CPEB2: variants seen among roughly 807,000 people sequenced by gnomAD.
CPEB2 encodes cytoplasmic polyadenylation element-binding protein 2.
Under a neutral mutation model 93.6 loss-of-function variants are expected in CPEB2, and 56 were observed. The observed-to-expected ratio is 0.60, with a 90% CI of 0.48 to 0.75. The LOEUF (loss-of-function observed/expected upper bound fraction) is 0.75, where lower values mean the gene tolerates loss of function less well. Ranked by LOEUF, CPEB2 falls within the 30% of genes least tolerant of loss-of-function variation. CPEB2 has a pLI of 0.00. For missense variants in CPEB2, 1,579 were observed against 1,395.1 expected (o/e 1.13, Z -2.10); for synonymous variants, 764 against 586.3 (o/e 1.30, Z -4.38).
Position 15,033,162 on chromosome 4 carries a change from T to G in CPEB2, c.2127T>G (p.Gly709=). The change falls in exon 5 of 12, where the codon GGT becomes GGG. Residue 709 remains glycine, a splice_region_variant and synonymous_variant. Transcript: ENST00000538197. ...CTCACCTTTCCTGTCTTTTTAAAGG[T>G]CGATTGAGCTATCCACATCCAGGAA... The part of the protein sequence containing the change: ...IMRAEHDPLK[G]RLSYPHPGTD... 6.2e-7 allele frequency: 1 copy of G among 1,603,022 alleles called. No homozygotes were observed. The highest frequency in any genetic ancestry group is 8.5e-7 in the Non-Finnish European group (1 of 1,171,860).
intron 5 of CPEB2, among the ~76,000 whole-genome samples, chr4:15,034,039 G>C (rs1726371678): frequency 6.6e-6 from 1 of 152,170 alleles, no homozygotes; most frequent in South Asian, 2.1e-4. Flanking sequence ...TGTGAAGCTA[G>C]ACTATGTGAA....
rs539451316 is a variant in CPEB2 at position 15,023,875 on chromosome 4, A to G, written c.2125+6597A>G. Among the ~76,000 whole-genome samples the G allele has an allele frequency of 4.0e-5, 6 of 151,744 alleles. 1 individual carries two copies. The highest frequency in any genetic ancestry group is 1.4e-4 in the African/African-American group (6 of 41,432). ...CTTAATATCCTTCAATATTTCCCCT[A>G]CTCTGTCCTCCAAAATGATAAGAGC... is the stretch of plus-strand genomic sequence containing the variant. On this transcript the variant is annotated intron_variant, in intron 4 of 11. Coordinates refer to ENST00000538197, the MANE Select transcript of CPEB2 (RefSeq NM_001177382.2).
At chr4:15,009,302 C>T (rs150376959) in intron 3 of CPEB2, among the ~76,000 whole-genome samples, 195 of 152,258 alleles carry the variant, frequency 1.3e-3, no homozygotes, top group African/African-American at 4.2e-3. Flanking sequence ...ATTAATAATA[C>T]GTTTGTAAGT....
rs914200856 is a variant in CPEB2 at position 15,003,944 on chromosome 4, C to T, written c.1271C>T (p.Ala424Val). ...CAGCCGCAGCCGCCCGGCTCGTCTG[C>T]CACCACCCCGGGCGGCGGCAGCGGC... ...QPQPQPPGSS[A>V]TTPGGGSGGS... is the part of the protein sequence containing the mutation. The change falls in exon 1 of 12, where the codon GCC (alanine) becomes GTC (valine). Residue 424 changes from alanine to valine, a missense_variant. Coordinates refer to ENST00000538197, the MANE Select transcript of CPEB2 (RefSeq NM_001177382.2). 1.6e-6 allele frequency: 2 copies of T among 1,250,872 alleles called. No individual in the cohort carries two copies. Among genetic ancestry groups the T allele is most frequent in the East Asian group, 3.1e-5 (1 of 31,812 alleles). 77.5% of individuals were successfully genotyped at this position (1,250,872 alleles called of 1,614,324 possible). A position where few individuals can be genotyped will look rare whatever the true frequency, so the allele number is the denominator to read the frequency against.
In CPEB2 at chr4:15,003,030, CG is replaced by C; in HGVS notation, c.358del (p.Asp120ThrfsTer12). ...SGAAATEKLPDHHPGGGTIAG... is the reference protein window; with the variant it reads ...SGAAATEKLPXHHPGGGTIAG... ...GGGCGGCGGCCACGGAGAAACTCCCCGACCACCACCCCGGCGGCGGCACGAT... is the reference window on the plus strand; with the variant it reads ...GGGCGGCGGCCACGGAGAAACTCCCCACCACCACCCCGGCGGCGGCACGAT... On this transcript the variant is annotated frameshift_variant, in exon 1 of 12. Coordinates refer to ENST00000538197, the MANE Select transcript of CPEB2 (RefSeq NM_001177382.2). LOFTEE classifies it high-confidence loss of function. 6.7e-7 allele frequency: 1 copy of C among 1,502,222 alleles called. No homozygotes were observed. Among genetic ancestry groups the C allele is most frequent in the Non-Finnish European group, 8.8e-7 (1 of 1,136,330 alleles). The allele number at this position is 1,502,222 out of a possible 1,614,324, so 93.1% of individuals were successfully genotyped here.
At chr4:15,033,389 A>G (rs886947843) in intron 5 of CPEB2, among the ~76,000 whole-genome samples, 178 bp downstream of exon 5, 38 of 152,198 alleles carry the variant, frequency 2.5e-4, no homozygotes, top group Admixed American at 2.4e-3. Flanking sequence ...CGGGCTGGTA[A>G]AGCAGCCATT....
chr4:15,005,086 G>T (rs925975141), intron 1 of CPEB2: 1 of 152,216 alleles, frequency 6.6e-6, no homozygotes, highest in Admixed American at 6.5e-5. Context: ...GGAGGGAGTC[G>T]GGAGGGAGCG....
chr4:15,048,269 G>A (rs771468803), intron 6 of CPEB2, among the ~76,000 whole-genome samples: 3 of 151,880 alleles, frequency 2.0e-5, no homozygotes, highest in Non-Finnish European at 4.4e-5. Flanking sequence ...TTATTCTCTG[G>A]AAGAGTTTGT....
At chr4:15,061,966 C>A in intron 10 of CPEB2, 113 bp from the exon 11 acceptor site, 1 of 1,008,918 alleles carries the variant, frequency 9.9e-7, no homozygotes, top group Non-Finnish European at 1.4e-6. Flanking sequence ...TGCCATTCTA[C>A]TCCTGGTCAA....
At chr4:15,005,887 T>C (rs564637678) in intron 1 of CPEB2, among the ~76,000 whole-genome samples, 2 of 152,378 alleles carry the variant, frequency 1.3e-5, no homozygotes, top group South Asian at 4.1e-4. Context: ...GATCTTCATT[T>C]TGTTATCTGG....
Position 15,066,469 on chromosome 4 carries a change from G to A in CPEB2, c.*89G>A, listed in dbSNP as rs1050365168. The A allele has an allele frequency of 6.4e-6, 6 of 936,252 alleles. 1 individual carries two copies. The Admixed American group carries it at 8.5e-5, about 13-fold the overall frequency. 58.0% of individuals were successfully genotyped at this position (936,252 alleles called of 1,614,324 possible). On this transcript the variant is annotated 3_prime_UTR_variant, in exon 12 of 12. Coordinates refer to ENST00000538197, the MANE Select transcript of CPEB2 (RefSeq NM_001177382.2). ...AGATACTGACATGCAGAAGAAATAA[G>A]TGCATTCTTCTGCTTTTCACCCCAG...
chr4:15,007,401 A>G lies in CPEB2; in HGVS notation c.1759A>G (p.Arg587Gly), dbSNP rs1233344616. The G allele has an allele frequency of 1.9e-6, 3 of 1,613,972 alleles. No individual in the cohort carries two copies. Among genetic ancestry groups the G allele is most frequent in the Non-Finnish European group, 2.5e-6 (3 of 1,179,892 alleles). ...WGAMHGRDHR[R>G]TGNMGIPGTM... ...AGCAATGCATGGCAGAGATCATCGT[A>G]GAACCGGAAACATGGGAATCCCAGG... The change falls in exon 2 of 12, where the codon AGA becomes GGA. Residue 587 changes from arginine (R) to glycine (G), a missense_variant. This residue lies in a region of CPEB2 where 1,411 missense variants were observed against 1,056.0 expected (regional missense o/e 1.34). Transcript: ENST00000538197.
In CPEB2 at chr4:15,057,643, T is replaced by C. The variant is rs566556233; in HGVS notation, c.2462-778T>C. Among the ~76,000 whole-genome samples, 136 of 152,324 alleles carry C rather than the reference T, an allele frequency of 8.9e-4. 2 individuals are homozygous for C. Among genetic ancestry groups the C allele is most frequent in the African/African-American group, 3.1e-3 (128 of 41,580 alleles). On this transcript the variant is annotated intron_variant, in intron 8 of 11. Coordinates refer to ENST00000538197, the MANE Select transcript of CPEB2 (RefSeq NM_001177382.2). Reference sequence around the variant, plus strand: ...TCTTTTTATAATGTAGTCTATTCTGTCTGCTGGATACATGATTTTTTATTA... The same window carrying C: ...TCTTTTTATAATGTAGTCTATTCTGCCTGCTGGATACATGATTTTTTATTA...
intron 8 of CPEB2, 30 bp downstream of exon 8, chr4:15,054,247 GGAAATTGGTTGTAT>G: frequency 6.6e-7 from 1 of 1,526,668 alleles, no homozygotes; most frequent in Non-Finnish European, 9.0e-7. Context: ...ATATTTGCTA[GGAAATTGGTTGTAT>G]GAGAGCAAAA....
intron 6 of CPEB2, among the ~76,000 whole-genome samples, chr4:15,051,181 C>A (rs542182691): frequency 6.6e-6 from 1 of 152,256 alleles, no homozygotes; most frequent in African/African-American, 2.4e-5. Context: ...CTGATCTGCT[C>A]ATTTTCAACT....
At chr4:15,058,214 T>C (rs1728882978) in intron 8 of CPEB2, among the ~76,000 whole-genome samples, 1 of 152,216 alleles carries the variant, frequency 6.6e-6, no homozygotes, top group South Asian at 2.1e-4. Flanking sequence ...AAGTGTTCTA[T>C]ATAAAGTAGC....
intron 6 of CPEB2, among the ~76,000 whole-genome samples, chr4:15,041,525 C>T (rs1469070038): frequency 6.6e-6 from 1 of 152,028 alleles, no homozygotes; most frequent in African/African-American, 2.4e-5. Context: ...ACCTCATCCT[C>T]CCAAGTAGCT....
chr4:15,022,710 C>CT lies in CPEB2; in HGVS notation c.2125+5435dup, dbSNP rs75506219. ...ATGTATTTTATTAAACATATTCTGACTTTAAGAGGTGATTACTCTTATAAC... is the reference window on the plus strand; with the variant it reads ...ATGTATTTTATTAAACATATTCTGACTTTTAAGAGGTGATTACTCTTATAAC... On this transcript the variant is annotated intron_variant, in intron 4 of 11. Transcript: ENST00000538197. Among the ~76,000 whole-genome samples the CT allele has an allele frequency of 4.4e-4, 67 of 152,050 alleles. No individual in the cohort carries two copies. In the East Asian group the frequency reaches 0.012, roughly 26 times the overall value.
intron 6 of CPEB2, among the ~76,000 whole-genome samples, chr4:15,045,678 T>C (rs1306136887): frequency 6.6e-6 from 1 of 152,148 alleles, no homozygotes; most frequent in Admixed American, 6.5e-5. Context: ...GTTTGCAAAT[T>C]AATATCTTTA....
Sources: allele counts gnomAD v4.1 joint callset (sites outside exome capture counted in the v4.1 genomes callset), GRCh38; gene constraint gnomAD v4.1.1; regional missense constraint gnomAD v4.1.1; transcripts MANE v1.5; gene names NCBI Gene and HGNC (gene_info 2026-07-23, HGNC 2026-07-21).